AGFG1: variants seen among roughly 807,000 people sequenced by gnomAD.
AGFG1 encodes arf-GAP domain and FG repeat-containing protein 1.
AGFG1 carries 10 observed loss-of-function variants against 60.6 expected under a neutral mutation model. The observed-to-expected ratio is 0.16, with a 90% CI of 0.10 to 0.28. The LOEUF is 0.28. Ranked by LOEUF, AGFG1 falls within the 10% of genes least tolerant of loss-of-function variation. The pLI, the probability that AGFG1 is intolerant of heterozygous loss-of-function variation, is 1.00. For synonymous variants in AGFG1, 247 were observed against 242.9 expected, an observed-to-expected ratio of 1.02 and a Z score of -0.16; for missense variants, 537 against 676.5, an observed-to-expected ratio of 0.79 and a Z score of 2.29.
intron 4 of AGFG1, among the ~76,000 whole-genome samples, chr2:227,524,183 C>G (rs1691910286): frequency 6.6e-6 from 1 of 151,752 alleles, no homozygotes; most frequent in Non-Finnish European, 1.5e-5. Flanking sequence ...GTTGCTATAG[C>G]TATATATATG....
At chr2:227,475,332 G>A (rs1280303367) in intron 1 of AGFG1, among the ~76,000 whole-genome samples, 1 of 152,150 alleles carries the variant, frequency 6.6e-6, no homozygotes, top group Non-Finnish European at 1.5e-5. Context: ...GGTTAGCTTA[G>A]ATCATGCCAC....
At chr2:227,533,838 C>T (rs1692230434) in intron 7 of AGFG1, 80 bp downstream of exon 7, 2 of 1,283,504 alleles carry the variant, frequency 1.6e-6, no homozygotes, top group Non-Finnish European at 2.2e-6. Flanking sequence ...AAAATCTGAA[C>T]ATGCTACACT....
intron 11 of AGFG1, among the ~76,000 whole-genome samples, chr2:227,553,323 C>A (rs1396787287): frequency 5.9e-5 from 9 of 151,852 alleles, no homozygotes; most frequent in Non-Finnish European, 1.3e-4. Flanking sequence ...TGTAGTGAAA[C>A]CCTGTCTACA....
chr2:227,483,871 T>A (rs1209198603), intron 1 of AGFG1, among the ~76,000 whole-genome samples: 1 of 152,126 alleles, frequency 6.6e-6, no homozygotes, highest in African/African-American at 2.4e-5. Context: ...TTGGCCAAGT[T>A]TTTTTGGTTT....
At chr2:227,503,461 G>A (rs982698893) in intron 2 of AGFG1, among the ~76,000 whole-genome samples, 1 of 152,192 alleles carries the variant, frequency 6.6e-6, no homozygotes, top group Non-Finnish European at 1.5e-5. Context: ...ACTAAAGCCT[G>A]TGGGCCAAAT....
chr2:227,531,624 G>C, intron 6 of AGFG1, among the ~76,000 whole-genome samples: 1 of 149,750 alleles, frequency 6.7e-6, no homozygotes, highest in Non-Finnish European at 1.5e-5. Context: ...GTAGCAGCTG[G>C]GTCTCACTAT....
intron 1 of AGFG1, among the ~76,000 whole-genome samples, chr2:227,482,979 CTTTT>C (rs59051579): frequency 1.5e-4 from 16 of 108,206 alleles, no homozygotes; most frequent in Non-Finnish European, 1.8e-4. Flanking sequence ...GTTATTGAGT[CTTTT>C]TTTTTTTTTT....
At chr2:227,473,644 T>C (rs1188185320) in intron 1 of AGFG1, among the ~76,000 whole-genome samples, 2 of 152,230 alleles carry the variant, frequency 1.3e-5, no homozygotes, top group Non-Finnish European at 2.9e-5. Context: ...TTTTATATTA[T>C]TATCTTGTAT....
rs141295443 is a variant in AGFG1 at position 227,499,654 on chromosome 2, GGAA to G, written c.261+8018_261+8020del. On this transcript the variant is annotated intron_variant, in intron 2 of 12. Coordinates refer to ENST00000310078, the MANE Select transcript of AGFG1 (RefSeq NM_004504.5). The stretch of plus-strand genomic sequence containing the variant: ...GACTCTGTCTCAAAAAAAAAAAAAA[GGAA>G]GAAAAAAAGGGATTGGAGGCTAGAT... Among the ~76,000 whole-genome samples the G allele has an allele frequency of 4.0e-3, 594 of 148,108 alleles. 1 individual carries two copies. Among genetic ancestry groups the G allele is most frequent in the African/African-American group, 0.014 (559 of 40,376 alleles).
In AGFG1 at chr2:227,513,811, T is replaced by G. The variant is rs551898558; in HGVS notation, c.262-6137T>G. On this transcript the variant is annotated intron_variant, in intron 2 of 12. Transcript: ENST00000310078. ...CTAAGGGAAAAAATTATCAATTTTATGAATTTATTCTGTTGTCTGGTGTGA... is the reference window on the plus strand; with the variant it reads ...CTAAGGGAAAAAATTATCAATTTTAGGAATTTATTCTGTTGTCTGGTGTGA... Among the ~76,000 whole-genome samples, 262 of 152,390 alleles carry G rather than the reference T, an allele frequency of 1.7e-3. 2 individuals carry two copies. Among genetic ancestry groups the G allele is most frequent in the Non-Finnish European group, 1.9e-4 (13 of 68,038 alleles).
chr2:227,524,999 C>A, intron 5 of AGFG1, 84 bp downstream of exon 5: 2 of 1,492,140 alleles, frequency 1.3e-6, no homozygotes, highest in South Asian at 1.2e-5. Context: ...CTTTGAGGAT[C>A]AGTAAACATT....
intron 1 of AGFG1, among the ~76,000 whole-genome samples, chr2:227,488,268 G>A (rs6737806): frequency 0.05 from 7,634 of 152,262 alleles, 237 homozygotes; most frequent in African/African-American, 0.084. Context: ...AATATACCCT[G>A]TGATATGATA....
Position 227,478,607 on chromosome 2 carries a change from T to G in AGFG1, c.167+6019T>G, listed in dbSNP as rs568650145. The stretch of plus-strand genomic sequence containing the variant: ...CCTTGGTCTTCCAAATTGTGGGGAT[T>G]ACAGGCGTGAATTACCATGCCCTGC... On this transcript the variant is annotated intron_variant, in intron 1 of 12. Transcript: ENST00000310078. Among the ~76,000 whole-genome samples, 50 of 152,310 alleles carry G rather than the reference T, an allele frequency of 3.3e-4. 1 individual carries two copies. Among genetic ancestry groups the G allele is most frequent in the Non-Finnish European group, 7.1e-4 (48 of 68,020 alleles).
chr2:227,499,653 AGG>A (rs200047906), intron 2 of AGFG1, among the ~76,000 whole-genome samples: 6 of 150,830 alleles, frequency 4.0e-5, no homozygotes, highest in African/African-American at 1.5e-4. Context: ...AAAAAAAAAA[AGG>A]AAGAAAAAAA....
At chr2:227,490,543 A>G (rs958452780) in intron 1 of AGFG1, among the ~76,000 whole-genome samples, 2 of 148,342 alleles carry the variant, frequency 1.3e-5, no homozygotes, top group Non-Finnish European at 1.5e-5. Flanking sequence ...GCGCCACTGC[A>G]CTCCAGCCTG....
intron 2 of AGFG1, among the ~76,000 whole-genome samples, chr2:227,514,329 A>C (rs1049625487): frequency 1.3e-5 from 2 of 152,022 alleles, no homozygotes; most frequent in African/African-American, 4.8e-5. Flanking sequence ...CTCCTGCCTC[A>C]GCCTTCTGAG....
chr2:227,537,979 G>C (rs139421456), intron 10 of AGFG1, among the ~76,000 whole-genome samples: 182 of 152,242 alleles, frequency 1.2e-3, no homozygotes, highest in African/African-American at 4.0e-3. Flanking sequence ...CTTATACTCT[G>C]TTGGTAAGTA....
intron 2 of AGFG1, among the ~76,000 whole-genome samples, chr2:227,510,233 AAC>A (rs1691455363): frequency 6.6e-6 from 1 of 152,122 alleles, no homozygotes; most frequent in South Asian, 2.1e-4. Flanking sequence ...AAAACCACGA[AAC>A]ACAGCACCAC....
chr2:227,553,640 C>T, intron 11 of AGFG1, 64 bp from the exon 12 acceptor site: 1 of 1,327,840 alleles, frequency 7.5e-7, no homozygotes, highest in Non-Finnish European at 1.1e-6. Context: ...TATTATGAGG[C>T]TTTATAAGCA....
Sources: gnomAD v4.1 joint callset for allele counts (sites outside exome capture counted in the v4.1 genomes callset) on GRCh38, gnomAD v4.1.1 for gene constraint, MANE v1.5 for transcripts, NCBI Gene and HGNC (gene_info 2026-07-23, HGNC 2026-07-21) for gene names.